Variants in GREB1 observed in about 807,000 individuals in gnomAD.
GREB1 encodes the protein protein GREB1.
GREB1 carries 106 observed loss-of-function variants against 200.7 expected under a neutral mutation model. That is an observed-to-expected ratio of 0.53 (90% CI 0.45 to 0.62). The LOEUF (loss-of-function observed/expected upper bound fraction) is 0.62, where lower values mean the gene tolerates loss of function less well. Ranked by LOEUF, GREB1 falls within the 20% of genes least tolerant of loss-of-function variation. The pLI, the probability that GREB1 is intolerant of heterozygous loss-of-function variation, is 0.00. For synonymous variants in GREB1, 1,132 were observed against 1,092.4 expected, an observed-to-expected ratio of 1.04 and a Z score of -0.72; for missense variants, 2,243 against 2,556.8, an observed-to-expected ratio of 0.88 and a Z score of 2.65.
chr2:11,615,136 G>A lies in GREB1; in HGVS notation c.3168G>A (p.Leu1056=). The A allele has an allele frequency of 6.2e-7, 1 of 1,614,124 alleles. No homozygotes were observed. ...CDLRLINSSC[L]VRTALEQELG... ...TGCGATTGATAAACTCCTCCTGCTT[G>A]GTGAGAACAGCCTTGGAGCAGGAGC... The change falls in exon 20 of 33, where the codon TTG becomes TTA. Residue 1056 remains leucine (L), a synonymous_variant. Transcript: ENST00000381486.
At chr2:11,523,662 G>A (rs1045691355) in intron 1 of GREB1, among the ~76,000 whole-genome samples, 2 of 152,178 alleles carry the variant, frequency 1.3e-5, no homozygotes, top group Non-Finnish European at 2.9e-5. Flanking sequence ...TTAATGTTGT[G>A]ATTCAAATGA....
intron 17 of GREB1, among the ~76,000 whole-genome samples, chr2:11,606,656 G>A (rs1285609183): frequency 1.3e-5 from 2 of 151,800 alleles, no homozygotes; most frequent in East Asian, 3.9e-4. Context: ...CTCTTTTTGT[G>A]TTTAAACTTC....
intron 1 of GREB1, among the ~76,000 whole-genome samples, chr2:11,490,730 GTA>G (rs1672758294): frequency 6.6e-6 from 1 of 150,972 alleles, no homozygotes; most frequent in Non-Finnish European, 1.5e-5. Context: ...TGTATTTTTA[GTA>G]CAGACAGGGT....
chr2:11,496,495 C>T (rs1185749530), intron 1 of GREB1, among the ~76,000 whole-genome samples: 5 of 152,120 alleles, frequency 3.3e-5, no homozygotes, highest in Non-Finnish European at 5.9e-5. Context: ...CAAGCAGCAG[C>T]GACTTATCTT....
intron 19 of GREB1, among the ~76,000 whole-genome samples, chr2:11,614,307 A>G (rs1035764001): frequency 2.0e-5 from 3 of 151,148 alleles, no homozygotes; most frequent in Non-Finnish European, 4.4e-5. Flanking sequence ...TTGTATTTTT[A>G]GTAGAGATGG....
At position 11,616,637 on chromosome 2, in the gene GREB1, C is replaced by G; in HGVS notation, c.3329C>G (p.Thr1110Ser). 1 of 1,604,738 alleles carries G rather than the reference C, an allele frequency of 6.2e-7. No homozygotes were observed. The highest frequency in any genetic ancestry group is 8.5e-7 in the Non-Finnish European group (1 of 1,171,420). ...EDEELGTEGS[T>S]SEKRSPMKRE... The stretch of plus-strand genomic sequence containing the variant: ...CGTGTGTGTTTTGGAACAGGCTCTA[C>G]CTCGGAGAAGAGAAGCCCCATGAAA... The change falls in exon 21 of 33, where the codon ACC (threonine) becomes AGC (serine). Residue 1110 changes from threonine to serine, a missense_variant. Coordinates refer to ENST00000381486, the MANE Select transcript of GREB1 (RefSeq NM_014668.4).
rs1449870059 is a variant in GREB1, at chr2:11,638,792, A to G, written c.5669A>G (p.Lys1890Arg). 2.5e-6 allele frequency: 4 copies of G among 1,614,002 alleles called. No homozygotes were observed. The highest frequency in any genetic ancestry group is 3.4e-6 in the Non-Finnish European group (4 of 1,179,998). Residue 1890 changes from lysine (K) to arginine (R), a missense_variant, in exon 32 of 33, where the codon AAG becomes AGG. Lys to Arg is a conservative substitution (Grantham distance 26). Around this residue, in one of 3 missense-constraint regions of GREB1, gnomAD observed 478 missense variants for 616.3 expected, o/e 0.78. Coordinates refer to ENST00000381486, the MANE Select transcript of GREB1 (RefSeq NM_014668.4). Reference sequence around the variant, plus strand: ...TTTGTGGGAGCTAGCTTTTTGAAAAAGTTTCATTTTCTGAAAGGTAACTTT... The same window carrying G: ...TTTGTGGGAGCTAGCTTTTTGAAAAGGTTTCATTTTCTGAAAGGTAACTTT... ...DSFVGASFLK[K>R]FHFLKGATLC...
At chr2:11,638,530 A>C in intron 31 of GREB1, 141 bp from the exon 32 acceptor site, 2 of 634,270 alleles carry the variant, frequency 3.2e-6, no homozygotes, top group South Asian at 4.5e-5. Flanking sequence ...TTTGGAAATA[A>C]CATGAAAATA....
chr2:11,589,540 G>A (rs971253302), intron 10 of GREB1, among the ~76,000 whole-genome samples: 7 of 152,186 alleles, frequency 4.6e-5, no homozygotes, highest in South Asian at 2.1e-4. Flanking sequence ...GGCCGGCTCC[G>A]GTCAAGGGTG....
At chr2:11,502,979 G>A (rs1673088606) in intron 1 of GREB1, among the ~76,000 whole-genome samples, 1 of 152,148 alleles carries the variant, frequency 6.6e-6, no homozygotes, top group African/African-American at 2.4e-5. Context: ...CTGTGTTGTT[G>A]CTATGGGGCT....
intron 1 of GREB1, among the ~76,000 whole-genome samples, chr2:11,499,376 G>C (rs781186429): frequency 1.3e-5 from 2 of 152,256 alleles, no homozygotes; most frequent in Non-Finnish European, 2.9e-5. Flanking sequence ...CCGCTGGTCA[G>C]CCGTTCAGGA....
intron 1 of GREB1, among the ~76,000 whole-genome samples, chr2:11,494,215 C>T (rs1672830404): frequency 6.6e-6 from 1 of 152,230 alleles, no homozygotes; most frequent in African/African-American, 2.4e-5. Context: ...GCTACAGGGG[C>T]AGTCTGATCC....
At chr2:11,605,761 G>A (rs954089805) in intron 17 of GREB1, among the ~76,000 whole-genome samples, 1 of 152,048 alleles carries the variant, frequency 6.6e-6, no homozygotes, top group Non-Finnish European at 1.5e-5. Flanking sequence ...CATCCATGTT[G>A]TTTTATGTAT....
intron 1 of GREB1, among the ~76,000 whole-genome samples, chr2:11,514,135 G>A (rs1257799131): frequency 6.6e-6 from 1 of 152,202 alleles, no homozygotes; most frequent in Non-Finnish European, 1.5e-5. Context: ...AAAAGGCAAT[G>A]GAAAAGAAAT....
In GREB1 at chr2:11,640,223, C is replaced by A; in HGVS notation, c.5687-68C>A. ...CTGTCTTGTCATTGCAAGTAGAATC[C>A]GGGCAGCCGCTTTCCTCTGGATAAA... On this transcript the variant is annotated intron_variant, in intron 32 of 32. Coordinates refer to ENST00000381486, the MANE Select transcript of GREB1 (RefSeq NM_014668.4). This position sits in a 1 kb window ranked among gnomAD's most constrained non-coding sequence, Gnocchi z 4.6. 1 of 1,485,132 alleles carries A rather than the reference C, an allele frequency of 6.7e-7. No individual in the cohort carries two copies. The highest frequency in any genetic ancestry group is 9.1e-7 in the Non-Finnish European group (1 of 1,098,016). 92.0% of individuals were successfully genotyped at this position (1,485,132 alleles called of 1,614,324 possible). A position where few individuals can be genotyped will look rare whatever the true frequency, so the allele number is the denominator to read the frequency against.
At position 11,633,945 on chromosome 2, in the gene GREB1, C is replaced by T. The variant is rs1685097015; in HGVS notation, c.4992-186C>T. On this transcript the variant is annotated intron_variant, in intron 28 of 32. Transcript: ENST00000381486. The surrounding 1 kb of genome is among the most constrained non-coding windows in gnomAD (Gnocchi z 4.1). Reference sequence around the variant, plus strand: ...TTATGGTCTGCAAATGTGTTCAGCACATAGCAGAAATGAGCGCCCGTGGGA... The same window carrying T: ...TTATGGTCTGCAAATGTGTTCAGCATATAGCAGAAATGAGCGCCCGTGGGA... Among the ~76,000 whole-genome samples, 1 of 152,254 alleles carries T rather than the reference C, an allele frequency of 6.6e-6. No individual in the cohort carries two copies. Among genetic ancestry groups the T allele is most frequent in the African/African-American group, 2.4e-5 (1 of 41,466 alleles).
chr2:11,632,147 A>G, intron 27 of GREB1, 34 bp downstream of exon 27: 1 of 1,447,552 alleles, frequency 6.9e-7, no homozygotes, highest in Non-Finnish European at 9.7e-7. Context: ...ACTCAGTCAA[A>G]CTCCTGTGAA....
At chr2:11,506,887 T>C (rs1225607876) in intron 1 of GREB1, among the ~76,000 whole-genome samples, 1 of 152,002 alleles carries the variant, frequency 6.6e-6, no homozygotes, top group Admixed American at 6.6e-5. Context: ...CACACTTTGT[T>C]TTTCAGAACT....
chr2:11,495,909 C>T (rs1672872859), intron 1 of GREB1, among the ~76,000 whole-genome samples: 1 of 151,514 alleles, frequency 6.6e-6, no homozygotes. Context: ...GCGTGGCGCT[C>T]CTCTTCTGTC....
Sources: gnomAD v4.1 joint callset for allele counts (sites outside exome capture counted in the v4.1 genomes callset) on GRCh38, gnomAD v4.1.1 for gene constraint, gnomAD v4.1.1 regional missense constraint, Gnocchi (gnomAD v3.1) non-coding constraint, MANE v1.5 for transcripts, NCBI Gene and HGNC (gene_info 2026-07-23, HGNC 2026-07-21) for gene names.